The following AKAP4 variants were observed in gnomAD, a reference collection of about 807,000 sequenced individuals.
The protein encoded by AKAP4 is A-kinase anchor protein 4.
A neutral mutation model predicts 42.6 loss-of-function variants in AKAP4; 4 were observed. The observed-to-expected ratio is 0.09, with a 90% confidence interval of 0.05 to 0.22. The LOEUF (loss-of-function observed/expected upper bound fraction) is 0.22. Among genes scored for constraint, AKAP4 ranks in the 10% least tolerant of loss-of-function variants. The pLI, the probability that AKAP4 is intolerant of heterozygous loss-of-function variation, is 1.00. For synonymous variants in AKAP4, 223 were observed against 233.0 expected, an observed-to-expected ratio of 0.96 and a Z score of 0.39; for missense variants, 551 against 630.7, an observed-to-expected ratio of 0.87 and a Z score of 1.35.
At chrX:50,198,623 C>T (rs1557204581) in intron 2 of AKAP4, 34 bp downstream of exon 2, 1 of 1,120,997 alleles carries the variant, frequency 8.9e-7, no homozygotes, top group African/African-American at 1.8e-5. Flanking sequence ...GCCAATTTTT[C>T]CTACTCCTCG....
intron 1 of AKAP4, chrX:50,200,474 A>T: frequency 1.6e-6 from 1 of 622,493 alleles, no homozygotes; most frequent in African/African-American, 2.4e-5. Context: ...AAAGGTGGGC[A>T]TGTTGGCAAA....
At position 50,195,873 on chromosome X, in the gene AKAP4, T is replaced by C. The variant is rs188438321; in HGVS notation, c.276+1018A>G. ...TGTCCAGATATGTGTATATGTACTA[T>C]ATACACATATTCCACCCAACACTAA... is the stretch of plus-strand genomic sequence containing the variant. On this transcript the variant is annotated intron_variant, in intron 4 of 5. Coordinates refer to ENST00000358526, the MANE Select transcript of AKAP4 (RefSeq NM_003886.3). 2.0e-4 allele frequency among the ~76,000 whole-genome samples: 22 copies of C among 111,358 alleles called. No individual in the cohort carries two copies. The East Asian group carries it at 5.9e-3, about 30-fold the overall frequency.
intron 1 of AKAP4, among the ~76,000 whole-genome samples, chrX:50,200,594 C>T (rs976410500): frequency 1.8e-5 from 2 of 112,432 alleles, no homozygotes; most frequent in Non-Finnish European, 3.8e-5. Context: ...TTCTCTGGCT[C>T]ACAGTCCATC....
In AKAP4 at chrX:50,193,909, G is replaced by A; in HGVS notation, c.804C>T (p.Ser268=). Residue 268 remains serine, a synonymous_variant, in exon 5 of 6, where the codon AGC becomes AGT. Transcript: ENST00000358526. ...KERISPRTPA[S]KIASEMAYEA... The stretch of plus-strand genomic sequence containing the variant: ...CATAGGCCATTTCAGAAGCAATCTT[G>A]CTCGCAGGAGTTCGGGGACTGATTC... The A allele has an allele frequency of 8.3e-7, 1 of 1,211,837 alleles. No individual in the cohort carries two copies. Among genetic ancestry groups the A allele is most frequent in the Non-Finnish European group, 1.1e-6 (1 of 895,556 alleles).
chrX:50,197,713 A>T, intron 2 of AKAP4, 119 bp from the exon 3 acceptor site: 1 of 569,919 alleles, frequency 1.8e-6, no homozygotes, highest in Admixed American at 3.3e-5. Context: ...TAACTGAGAT[A>T]CTATATGGAA....
intron 1 of AKAP4, 72 bp from the exon 2 acceptor site, chrX:50,198,824 A>G: frequency 1.2e-6 from 1 of 832,879 alleles, no homozygotes; most frequent in Non-Finnish European, 1.7e-6. Flanking sequence ...TTTGGATAAG[A>G]ATCTCTGGAG....
chrX:50,194,503 GA>G (rs1935164879), intron 4 of AKAP4, 67 bp from the exon 5 acceptor site: 1 of 910,005 alleles, frequency 1.1e-6, no homozygotes, highest in African/African-American at 2.0e-5. Context: ...ATTTTATTTA[GA>G]AGATGTATCA....
rs1935125894 is a variant in AKAP4 at position 50,192,510 on chromosome X, T to C, written c.2203A>G (p.Asn735Asp). 1 of 1,209,781 alleles carries C rather than the reference T, an allele frequency of 8.3e-7. No individual in the cohort carries two copies. The highest frequency in any genetic ancestry group is 1.7e-5 in the African/African-American group (1 of 57,257). Residue 735 changes from asparagine to aspartate, a missense_variant, in exon 5 of 6, where the codon AAT becomes GAT. Coordinates refer to ENST00000358526, the MANE Select transcript of AKAP4 (RefSeq NM_003886.3). ...EEQAASANKPNFRGTRCIHSG... is the reference protein window; with the variant it reads ...EEQAASANKPDFRGTRCIHSG... The stretch of plus-strand genomic sequence containing the variant: ...TGAATGCATCTGGTGCCCCTGAAAT[T>C]GGGCTTATTTGCCGAGGCTGCTTGT...
At chrX:50,192,218 C>A (rs1246016079) in intron 5 of AKAP4, 86 bp downstream of exon 5, 1 of 837,038 alleles carries the variant, frequency 1.2e-6, no homozygotes, top group South Asian at 2.8e-5. Flanking sequence ...ACTTGAAACT[C>A]GAATGATCTT....
intron 5 of AKAP4, among the ~76,000 whole-genome samples, chrX:50,191,659 T>TGTGA (rs1363221828): frequency 6.0e-3 from 263 of 43,531 alleles, no homozygotes; most frequent in African/African-American, 0.014. Context: ...TGTGTGTGTG[T>TGTGA]GAGAGAGAGA....
intron 1 of AKAP4, among the ~76,000 whole-genome samples, chrX:50,199,454 T>G (rs1412327704): frequency 9.2e-6 from 1 of 109,037 alleles, no homozygotes; most frequent in East Asian, 2.9e-4. Flanking sequence ...GGATCAAGTT[T>G]AATTTATTTT....
At chrX:50,199,112 G>C (rs782510506) in intron 1 of AKAP4, among the ~76,000 whole-genome samples, 2 of 110,775 alleles carry the variant, frequency 1.8e-5, no homozygotes, top group Non-Finnish European at 3.8e-5. Context: ...AAATGTCTCT[G>C]ATCTCCACAT....
intron 3 of AKAP4, 84 bp downstream of exon 3, chrX:50,197,460 C>T (rs887488889): frequency 4.0e-4 from 363 of 910,841 alleles, no homozygotes; most frequent in Admixed American, 2.8e-4. Flanking sequence ...TCTCTCCCCC[C>T]AACATTTTCC....
rs1935157639 is a variant in AKAP4, at chrX:50,194,093, G to T, written c.620C>A (p.Ser207Tyr). The change falls in exon 5 of 6, where the codon TCC becomes TAC. Residue 207 changes from serine to tyrosine, a missense_variant. Physicochemically the swap from Ser to Tyr is moderately radical, Grantham distance 144 (BLOSUM62 -2). Transcript: ENST00000358526. ...ATCTATAGAACATTCTCCATCAGGGGAAATGACTGCTCTCTGAGTGCTAGG... is the reference window on the plus strand; with the variant it reads ...ATCTATAGAACATTCTCCATCAGGGTAAATGACTGCTCTCTGAGTGCTAGG... Reference protein sequence around the residue: ...KPPSTQRAVISPDGECSIDDL... With the variant: ...KPPSTQRAVIYPDGECSIDDL... 3 of 1,209,835 alleles carry T rather than the reference G, an allele frequency of 2.5e-6. No homozygotes were observed. Among genetic ancestry groups the T allele is most frequent in the Middle Eastern group, 2.3e-4 (1 of 4,370 alleles).
chrX:50,197,429 G>T, intron 3 of AKAP4, 115 bp downstream of exon 3: 1 of 605,162 alleles, frequency 1.7e-6, no homozygotes, highest in Non-Finnish European at 2.5e-6. Context: ...CTTTCCCCCT[G>T]AGTCCCCTCC....
At chrX:50,199,172 CT>C (rs781948537) in intron 1 of AKAP4, among the ~76,000 whole-genome samples, 133 of 111,314 alleles carry the variant, frequency 1.2e-3, no homozygotes, top group Non-Finnish European at 1.6e-3. Flanking sequence ...ACGTTACCCC[CT>C]CTAACTTAAT....
chrX:50,193,028 C>T lies in AKAP4; in HGVS notation c.1685G>A (p.Gly562Asp). The change falls in exon 5 of 6, where the codon GGC becomes GAC. Residue 562 changes from glycine to aspartate, a missense_variant. Coordinates refer to ENST00000358526, the MANE Select transcript of AKAP4 (RefSeq NM_003886.3). Reference protein sequence around the residue: ...IQYHLTQQTKGKDTCEEDCPG... With the variant: ...IQYHLTQQTKDKDTCEEDCPG... ...ACAGTCTTCTTCACATGTATCTTTGCCCTTAGTCTGCTGGGTCAGATGGTA... is the reference window on the plus strand; with the variant it reads ...ACAGTCTTCTTCACATGTATCTTTGTCCTTAGTCTGCTGGGTCAGATGGTA... 1 of 1,211,749 alleles carries T rather than the reference C, an allele frequency of 8.3e-7. No homozygotes were observed. The highest frequency in any genetic ancestry group is 1.8e-5 in the South Asian group (1 of 56,937).
At position 50,198,731 on chromosome X, in the gene AKAP4, A is replaced by G. The variant is rs782564123; in HGVS notation, c.49T>C (p.Leu17=). ...TTMMSDDIDW[L]RSHRGVCKVD... ...TTGCACACACCCCTGTGGCTGCGTA[A>G]CCAGTCAATATCATCAGACATCTGG... Residue 17 remains leucine (L), a synonymous_variant, in exon 2 of 6, where the codon TTA becomes CTA. Coordinates refer to ENST00000358526, the MANE Select transcript of AKAP4 (RefSeq NM_003886.3). The G allele has an allele frequency of 2.2e-5, 27 of 1,204,640 alleles. No individual in the cohort carries two copies. Among genetic ancestry groups the G allele is most frequent in the Non-Finnish European group, 1.1e-6 (1 of 891,407 alleles).
intron 5 of AKAP4, 102 bp downstream of exon 5, chrX:50,192,202 G>A (rs1034435273): frequency 4.3e-5 from 32 of 751,207 alleles, no homozygotes; most frequent in Non-Finnish European, 5.5e-5. Flanking sequence ...ACACGGTAAA[G>A]AATAGACTTG....
Sources: gnomAD v4.1 joint callset for allele counts (sites outside exome capture counted in the v4.1 genomes callset) on GRCh38, gnomAD v4.1.1 for gene constraint, MANE v1.5 for transcripts, NCBI Gene and HGNC (gene_info 2026-07-23, HGNC 2026-07-21) for gene names.